The following OPCML variants were observed in gnomAD, a reference collection of about 807,000 sequenced individuals.
OPCML encodes the protein opioid binding protein/cell adhesion molecule like.
OPCML carries 13 observed loss-of-function variants against 37.8 expected under a neutral mutation model. That is an observed-to-expected ratio of 0.34 (90% confidence interval 0.22 to 0.55). OPCML has a LOEUF of 0.55. Ranked by LOEUF, OPCML falls within the 20% of genes least tolerant of loss-of-function variation. OPCML has a pLI of 0.91. For synonymous variants in OPCML, 176 were observed against 168.8 expected (o/e 1.04, Z -0.33); for missense variants, 341 against 435.6 (o/e 0.78, Z 1.93).
chr11:132,488,795 T>C (rs1422199080), intron 4 of OPCML, among the ~76,000 whole-genome samples: 1 of 152,242 alleles, frequency 6.6e-6, no homozygotes, highest in Non-Finnish European at 1.5e-5. Flanking sequence ...TTTCATTGGG[T>C]AGATCCCTTG....
chr11:132,893,231 C>T (rs1240193265), intron 2 of OPCML, among the ~76,000 whole-genome samples: 1 of 152,154 alleles, frequency 6.6e-6, no homozygotes, highest in South Asian at 2.1e-4. Context: ...CGCTGCACTC[C>T]AGCCTGGGGG....
At chr11:133,201,177 G>A (rs921753816) in intron 1 of OPCML, among the ~76,000 whole-genome samples, 2 of 152,082 alleles carry the variant, frequency 1.3e-5, no homozygotes, top group African/African-American at 4.8e-5. Context: ...TACCTATCAG[G>A]TATTATGCTG....
At chr11:132,661,477 G>C (rs1016392729) in intron 2 of OPCML, among the ~76,000 whole-genome samples, 1 of 152,160 alleles carries the variant, frequency 6.6e-6, no homozygotes, top group Non-Finnish European at 1.5e-5. Flanking sequence ...AGAACTCAGG[G>C]AAGGACTTAA....
At chr11:133,213,729 C>G (rs1446518426) in intron 1 of OPCML, among the ~76,000 whole-genome samples, 1 of 152,098 alleles carries the variant, frequency 6.6e-6, no homozygotes, top group Admixed American at 6.5e-5. Flanking sequence ...AAATGTCTTG[C>G]TTATTTCTGG....
At chr11:133,481,477 A>G (rs971970067) in intron 1 of OPCML, among the ~76,000 whole-genome samples, 7 of 149,822 alleles carry the variant, frequency 4.7e-5, no homozygotes, top group East Asian at 1.9e-4. Flanking sequence ...ATAAATAAAT[A>G]AATGTATGTA....
chr11:133,119,407 A>G (rs1430633559), intron 1 of OPCML, among the ~76,000 whole-genome samples: 5 of 152,186 alleles, frequency 3.3e-5, no homozygotes, highest in African/African-American at 1.2e-4. Flanking sequence ...CTGGAGCCAT[A>G]TCAGTTAGGA....
At chr11:133,000,194 C>T (rs977413925) in intron 1 of OPCML, among the ~76,000 whole-genome samples, 1 of 152,130 alleles carries the variant, frequency 6.6e-6, no homozygotes. Context: ...CTCACTACAA[C>T]TTCCGCCTCC....
intron 3 of OPCML, among the ~76,000 whole-genome samples, chr11:132,570,790 T>G (rs868212478): frequency 0.021 from 2,250 of 108,934 alleles, 91 homozygotes; most frequent in Middle Eastern, 0.057. Flanking sequence ...TATATATATA[T>G]ATATATATAT....
intron 3 of OPCML, among the ~76,000 whole-genome samples, chr11:132,643,544 T>G (rs1243071332): frequency 1.3e-5 from 2 of 152,174 alleles, no homozygotes; most frequent in Non-Finnish European, 2.9e-5. Flanking sequence ...GTCTCTTCCT[T>G]CTTTCTCTTG....
chr11:133,140,424 A>C (rs1949754085), intron 1 of OPCML, among the ~76,000 whole-genome samples: 1 of 148,014 alleles, frequency 6.8e-6, no homozygotes, highest in African/African-American at 2.5e-5. Context: ...CTGAGGCAGA[A>C]GAATCGCTTG....
intron 2 of OPCML, among the ~76,000 whole-genome samples, chr11:132,829,957 T>G (rs1442627135): frequency 6.6e-6 from 1 of 152,188 alleles, no homozygotes; most frequent in Non-Finnish European, 1.5e-5. Flanking sequence ...GTAACCCAGA[T>G]TTCAGCCCAC....
chr11:133,254,075 A>G (rs1338089990), intron 1 of OPCML, among the ~76,000 whole-genome samples: 1 of 152,218 alleles, frequency 6.6e-6, no homozygotes, highest in African/African-American at 2.4e-5. Context: ...TCAATTCACT[A>G]AGATAAATGC....
intron 1 of OPCML, among the ~76,000 whole-genome samples, chr11:133,470,541 C>T (rs2137004761): frequency 6.6e-6 from 1 of 152,274 alleles, no homozygotes; most frequent in Non-Finnish European, 1.5e-5. Context: ...AGAAAGCTGG[C>T]AAAGTGTGAT....
intron 1 of OPCML, among the ~76,000 whole-genome samples, chr11:133,280,245 T>C (rs1445931107): frequency 6.6e-6 from 1 of 152,234 alleles, no homozygotes; most frequent in Non-Finnish European, 1.5e-5. Flanking sequence ...CAGCCTGTCC[T>C]TTTCTCTCCT....
chr11:133,081,581 G>A (rs1948716981), intron 1 of OPCML, among the ~76,000 whole-genome samples: 1 of 152,190 alleles, frequency 6.6e-6, no homozygotes, highest in South Asian at 2.1e-4. Flanking sequence ...TTCTCTTCTT[G>A]AGATGACAGA....
intron 2 of OPCML, among the ~76,000 whole-genome samples, chr11:132,854,134 A>C (rs934696287): frequency 9.8e-5 from 15 of 152,326 alleles, no homozygotes; most frequent in African/African-American, 3.6e-4. Context: ...AGGGCGGCTC[A>C]CAGAACCCAA....
chr11:132,636,904 A>G (rs1940536377), intron 3 of OPCML, among the ~76,000 whole-genome samples: 1 of 152,142 alleles, frequency 6.6e-6, no homozygotes, highest in Non-Finnish European at 1.5e-5. Context: ...CTAAAAAAAG[A>G]GAAAAAAAGA....
chr11:133,079,833 C>A (rs1948682162), intron 1 of OPCML, among the ~76,000 whole-genome samples: 1 of 152,192 alleles, frequency 6.6e-6, no homozygotes, highest in Non-Finnish European at 1.5e-5. Flanking sequence ...CTCCATCCTG[C>A]TGCAGGCTCT....
intron 1 of OPCML, among the ~76,000 whole-genome samples, chr11:133,075,503 C>T (rs1033387650): frequency 2.6e-5 from 4 of 152,174 alleles, no homozygotes; most frequent in African/African-American, 7.2e-5. Context: ...AGCAGTTCGA[C>T]ACTGACTGAT....
Sources: allele counts gnomAD v4.1 joint callset (sites outside exome capture counted in the v4.1 genomes callset), GRCh38; gene constraint gnomAD v4.1.1; transcripts MANE v1.5; gene names NCBI Gene and HGNC (gene_info 2026-07-23, HGNC 2026-07-21).